The following PTPRD variants were observed in gnomAD, a reference collection of about 807,000 sequenced individuals.
The protein encoded by PTPRD is receptor-type tyrosine-protein phosphatase delta.
PTPRD carries 34 observed loss-of-function variants against 214.5 expected under a neutral mutation model. The observed-to-expected ratio is 0.16, with a 90% CI of 0.12 to 0.21. PTPRD has a LOEUF of 0.21. PTPRD is among the 10% of genes least tolerant of loss of function. The probability of loss-of-function intolerance (pLI) is 1.00; values close to 1 mark genes in which losing one functional copy is unlikely to be tolerated. For synonymous variants in PTPRD, 1,128 were observed against 845.7 expected (o/e 1.33, Z -5.79); for missense variants, 2,545 against 2,398.7 (o/e 1.06, Z -1.27).
At chr9:10,384,171 G>C (rs185171142) in intron 2 of PTPRD, among the ~76,000 whole-genome samples, 74 of 151,490 alleles carry the variant, frequency 4.9e-4, no homozygotes, top group African/African-American at 1.7e-3. Context: ...AAATAACTAA[G>C]AGTATAATTG....
intron 3 of PTPRD, among the ~76,000 whole-genome samples, chr9:10,099,686 C>A: frequency 6.6e-6 from 1 of 151,574 alleles, no homozygotes; most frequent in African/African-American, 2.4e-5. Flanking sequence ...GATCTCACAG[C>A]CCATAGAGCT....
At chr9:8,828,308 T>A (rs1346974547) in intron 11 of PTPRD, among the ~76,000 whole-genome samples, 1 of 152,128 alleles carries the variant, frequency 6.6e-6, no homozygotes, top group Non-Finnish European at 1.5e-5. Context: ...CTTTGAGAGG[T>A]AATTAGGTCA....
chr9:9,743,729 T>TACACACACAC (rs1491432473), intron 6 of PTPRD, among the ~76,000 whole-genome samples: 1 of 51,642 alleles, frequency 1.9e-5, no homozygotes, highest in Non-Finnish European at 3.7e-5. Context: ...AAACTCAGTC[T>TACACACACAC]ATACACACAC....
chr9:8,576,910 C>T (rs1357406634), intron 14 of PTPRD, among the ~76,000 whole-genome samples: 3 of 152,298 alleles, frequency 2.0e-5, no homozygotes, highest in Non-Finnish European at 4.4e-5. Context: ...TGTATCTCTT[C>T]TTGCCAATCC....
chr9:10,389,571 A>G (rs2098011994), intron 2 of PTPRD, among the ~76,000 whole-genome samples: 1 of 151,830 alleles, frequency 6.6e-6, no homozygotes, highest in African/African-American at 2.4e-5. Flanking sequence ...TAATTCATAT[A>G]CATTATTTTG....
At position 8,460,425 on chromosome 9, in the gene PTPRD, A is replaced by G. The variant is rs1307678252; in HGVS notation, c.3861T>C (p.Ile1287=). Residue 1287 remains isoleucine (I), a synonymous_variant, in exon 33 of 46, where the codon ATT becomes ATC. Coordinates refer to ENST00000381196, the MANE Select transcript of PTPRD (RefSeq NM_002839.4). ...VVFIICIVIA[I]LLYKRKRAES... is the part of the protein sequence containing the mutation. ...GGCAAACCTACCTTTTATAAAGAAGAATAGCAATGACAATGCAGATGATAA... is the reference window on the plus strand; with the variant it reads ...GGCAAACCTACCTTTTATAAAGAAGGATAGCAATGACAATGCAGATGATAA... 13 of 1,611,902 alleles carry G rather than the reference A, an allele frequency of 8.1e-6. No homozygotes were observed. Among genetic ancestry groups the G allele is most frequent in the Non-Finnish European group, 1.1e-5 (13 of 1,179,196 alleles).
intron 10 of PTPRD, among the ~76,000 whole-genome samples, chr9:9,171,492 A>C (rs2099917521): frequency 6.6e-6 from 1 of 151,818 alleles, no homozygotes; most frequent in Non-Finnish European, 1.5e-5. Flanking sequence ...GCGGGAAGTG[A>C]TTGAAGGGGT....
chr9:8,500,657 G>C (rs2097381478), intron 24 of PTPRD, 97 bp downstream of exon 24: 12 of 1,026,374 alleles, frequency 1.2e-5, no homozygotes, highest in Middle Eastern at 4.5e-4. Flanking sequence ...TGGGTAAAAA[G>C]ATGAGCAGAG....
intron 14 of PTPRD, among the ~76,000 whole-genome samples, chr9:8,542,474 G>C (rs1350865466): frequency 6.6e-6 from 1 of 152,192 alleles, no homozygotes; most frequent in African/African-American, 2.4e-5. Flanking sequence ...GTAATATTTT[G>C]AAGATGAGGA....
chr9:9,701,884 C>A (rs4740984), intron 7 of PTPRD, among the ~76,000 whole-genome samples: 56,046 of 151,834 alleles, frequency 0.37, 11,171 homozygotes, highest in East Asian at 0.71. Context: ...TTTGGGAGGC[C>A]GAGGCGGGTG....
intron 9 of PTPRD, among the ~76,000 whole-genome samples, chr9:9,342,728 T>C (rs571832682): frequency 6.6e-6 from 1 of 151,750 alleles, no homozygotes; most frequent in Non-Finnish European, 1.5e-5. Flanking sequence ...TTTATTATTA[T>C]ACTTTAAGTT....
chr9:10,129,629 T>C (rs1466357481), intron 3 of PTPRD, among the ~76,000 whole-genome samples: 1 of 151,954 alleles, frequency 6.6e-6, no homozygotes, highest in African/African-American at 2.4e-5. Flanking sequence ...TCTGAACCTC[T>C]GGCTCCAAAT....
chr9:9,825,795 T>A (rs1319436553), intron 5 of PTPRD, among the ~76,000 whole-genome samples: 2 of 151,848 alleles, frequency 1.3e-5, no homozygotes, highest in Admixed American at 6.6e-5. Flanking sequence ...GTTACCACAT[T>A]TTCTTCAAAA....
chr9:9,565,298 T>G (rs181336047), intron 8 of PTPRD, among the ~76,000 whole-genome samples: 1 of 151,902 alleles, frequency 6.6e-6, no homozygotes, highest in African/African-American at 2.4e-5. Context: ...TGAAAAAATA[T>G]GCGGTTTTTA....
intron 11 of PTPRD, among the ~76,000 whole-genome samples, chr9:8,917,064 T>TC (rs1324786718): frequency 6.6e-6 from 1 of 151,602 alleles, no homozygotes; most frequent in Non-Finnish European, 1.5e-5. Context: ...CTTTTTTTTT[T>TC]TTTTTTACAA....
chr9:10,364,131 C>T (rs374053646), intron 2 of PTPRD, among the ~76,000 whole-genome samples: 61 of 151,430 alleles, frequency 4.0e-4, no homozygotes, highest in African/African-American at 1.4e-3. Flanking sequence ...TCCGGAGTAG[C>T]TGGGACTACA....
chr9:8,595,451 T>TACTGCTTTTA (rs2094430342), intron 14 of PTPRD, among the ~76,000 whole-genome samples: 2 of 152,132 alleles, frequency 1.3e-5, no homozygotes, highest in Admixed American at 6.5e-5. Flanking sequence ...AAAAAATTAG[T>TACTGCTTTTA]ACTGCTTTTA....
intron 3 of PTPRD, among the ~76,000 whole-genome samples, chr9:10,160,389 T>C (rs1318233353): frequency 6.6e-6 from 1 of 152,018 alleles, no homozygotes; most frequent in East Asian, 1.9e-4. Context: ...CCAGAATCTG[T>C]TGGCTTCACT....
intron 12 of PTPRD, among the ~76,000 whole-genome samples, chr9:8,684,829 A>G (rs960753509): frequency 2.0e-5 from 3 of 152,134 alleles, no homozygotes; most frequent in African/African-American, 7.2e-5. Context: ...TTACTTCCCA[A>G]TGAATATTTT....
Sources: gnomAD v4.1 joint callset for allele counts (sites outside exome capture counted in the v4.1 genomes callset) on GRCh38, gnomAD v4.1.1 for gene constraint, MANE v1.5 for transcripts, NCBI Gene and HGNC (gene_info 2026-07-23, HGNC 2026-07-21) for gene names.